Variants in TPRX1 observed in about 807,000 individuals in gnomAD.
TPRX1 encodes tetrapeptide repeat homeobox 1, also known as tetra-peptide repeat homeobox protein 1.
Under a neutral mutation model 8.1 loss-of-function variants are expected in TPRX1, and 2 were observed. The observed-to-expected ratio is 0.25, with a 90% CI of 0.10 to 0.78. The LOEUF is 0.78. TPRX1 is among the 30% of genes least tolerant of loss of function. The probability of loss-of-function intolerance (pLI) is 0.70; values close to 1 mark genes in which losing one functional copy is unlikely to be tolerated. For synonymous variants in TPRX1, 257 were observed against 254.1 expected, an observed-to-expected ratio of 1.01 and a Z score of -0.11; for missense variants, 517 against 586.9, an observed-to-expected ratio of 0.88 and a Z score of 1.23.
At chr19:47,818,552 A>G (rs886218328) in intron 1 of TPRX1, 9 of 455,982 alleles carry the variant, frequency 2.0e-5, no homozygotes, top group Middle Eastern at 3.2e-4. Context: ...ACAAGGGCAG[A>G]CAAGAAACAA....
Position 47,813,683 on chromosome 19 carries a change from C to T in TPRX1, c.151+4785G>A, listed in dbSNP as rs565244306. 1.4e-3 allele frequency among the ~76,000 whole-genome samples: 217 copies of T among 151,654 alleles called. No homozygotes were observed. The Middle Eastern group carries it at 0.017, about 12-fold the overall frequency. On this transcript the variant is annotated intron_variant, in intron 2 of 3. Transcript: ENST00000535759. The stretch of plus-strand genomic sequence containing the variant: ...TTGTGGGGTCCCAGTGTGTGAGTTG[C>T]TTTGTGTCTACCCCCTTCCAGGGTC...
intron 2 of TPRX1, among the ~76,000 whole-genome samples, chr19:47,816,438 A>T (rs906871435): frequency 6.6e-6 from 1 of 151,366 alleles, no homozygotes; most frequent in Non-Finnish European, 1.5e-5. Context: ...TTTTGTAGAG[A>T]TAGGGTCTCA....
chr19:47,816,073 A>G (rs958371433), intron 2 of TPRX1, among the ~76,000 whole-genome samples: 3 of 151,750 alleles, frequency 2.0e-5, no homozygotes, highest in African/African-American at 7.3e-5. Flanking sequence ...ATATTTATAT[A>G]TATATTTTTG....
At chr19:47,802,397 CCTGGGATCGGGA>C (rs1568613695) in exon 4 of TPRX1, 9 of 1,262,008 alleles carry the variant, frequency 7.1e-6, no homozygotes, top group African/African-American at 1.7e-5. Flanking sequence ...TGGGATCGGG[CCTGGGATCGGGA>C]CTGAGATTGG....
chr19:47,802,962 G>C, exon 4 of TPRX1: 2 of 1,538,818 alleles, frequency 1.3e-6, no homozygotes, highest in African/African-American at 2.7e-5. Flanking sequence ...AGTTTGGCGC[G>C]GCGATTCTTG....
chr19:47,802,173 T>C (rs774248600), exon 4 of TPRX1: 2 of 1,604,572 alleles, frequency 1.2e-6, no homozygotes, highest in Non-Finnish European at 1.7e-6. Flanking sequence ...CCTTGGAGTC[T>C]GCCTGGGCCT....
intron 2 of TPRX1, among the ~76,000 whole-genome samples, chr19:47,809,632 C>T (rs1489129361): frequency 6.6e-6 from 1 of 152,122 alleles, no homozygotes; most frequent in Non-Finnish European, 1.5e-5. Context: ...AGTAATTACC[C>T]AGAGATGACG....
At chr19:47,815,124 A>ATATATATG (rs1316496651) in intron 2 of TPRX1, among the ~76,000 whole-genome samples, 1 of 99,906 alleles carries the variant, frequency 1.0e-5, no homozygotes, top group Non-Finnish European at 2.1e-5. Context: ...TTATATATAT[A>ATATATATG]TATATATATA....
At chr19:47,804,805 T>TG (rs1568614776) in intron 2 of TPRX1, among the ~76,000 whole-genome samples, 2 of 151,682 alleles carry the variant, frequency 1.3e-5, no homozygotes, top group African/African-American at 4.9e-5. Flanking sequence ...CTAGCCCAGG[T>TG]GAGGTGGCAT....
At chr19:47,802,628 G>C in exon 4 of TPRX1, 1 of 1,551,704 alleles carries the variant, frequency 6.4e-7, no homozygotes, top group Non-Finnish European at 8.7e-7. Flanking sequence ...GATCGGGCTT[G>C]GGATCTGAGC....
exon 4 of TPRX1, chr19:47,802,453 C>G (rs763679644): frequency 5.8e-6 from 8 of 1,383,822 alleles, no homozygotes; most frequent in Admixed American, 2.5e-5. Flanking sequence ...GGCCTGGGAT[C>G]GGGCCTGGGT....
intron 2 of TPRX1, among the ~76,000 whole-genome samples, chr19:47,804,973 T>A (rs944593771): frequency 1.3e-5 from 2 of 152,220 alleles, no homozygotes; most frequent in Non-Finnish European, 2.9e-5. Flanking sequence ...CCACTCCTCC[T>A]GGCTCCTGGG....
intron 2 of TPRX1, among the ~76,000 whole-genome samples, chr19:47,815,907 T>C (rs1455117254): frequency 2.0e-5 from 3 of 152,130 alleles, no homozygotes; most frequent in African/African-American, 7.2e-5. Context: ...TCGGTTACTT[T>C]AAATTTCAAG....
At chr19:47,808,479 G>A (rs1478723148) in intron 2 of TPRX1, among the ~76,000 whole-genome samples, 3 of 151,326 alleles carry the variant, frequency 2.0e-5, no homozygotes, top group Admixed American at 6.6e-5. Context: ...AGACTAAAGT[G>A]CAGTGGCTCT....
chr19:47,818,555 A>G, intron 1 of TPRX1: 1 of 456,108 alleles, frequency 2.2e-6, no homozygotes, highest in South Asian at 1.5e-5. Flanking sequence ...AGGGCAGACA[A>G]GAAACAAGAT....
chr19:47,804,462 C>T (rs1242902648), intron 2 of TPRX1, among the ~76,000 whole-genome samples, 53 bp downstream of exon 1: 1 of 152,232 alleles, frequency 6.6e-6, no homozygotes, highest in Non-Finnish European at 1.5e-5. Context: ...TTGCACTCTG[C>T]AGCCTCAGCC....
chr19:47,802,451 A>T (rs1157403951), exon 4 of TPRX1: 2 of 1,467,342 alleles, frequency 1.4e-6, no homozygotes, highest in African/African-American at 1.6e-5. Flanking sequence ...TGGGCCTGGG[A>T]TCGGGCCTGG....
chr19:47,805,176 G>A (rs1424983861), intron 2 of TPRX1, among the ~76,000 whole-genome samples: 3 of 152,196 alleles, frequency 2.0e-5, no homozygotes, highest in African/African-American at 7.2e-5. Context: ...ATTTGCCTAT[G>A]GGGTGAAGTT....
At position 47,810,018 on chromosome 19, in the gene TPRX1, G is replaced by A. The variant is rs1967768029; in HGVS notation, c.152-6345C>T. 4.6e-5 allele frequency among the ~76,000 whole-genome samples: 7 copies of A among 152,066 alleles called. No homozygotes were observed. The South Asian group carries it at 1.5e-3, about 32-fold the overall frequency. ...ACCTGTAATCCCAGCACTTTGGGAG[G>A]CCGAGGTGGGCGGATCACCTGAGGT... On this transcript the variant is annotated intron_variant, in intron 2 of 3. Coordinates refer to ENST00000535759, the Ensembl canonical transcript of TPRX1.
Sources: gnomAD v4.1 joint callset for allele counts (sites outside exome capture counted in the v4.1 genomes callset) on GRCh38, gnomAD v4.1.1 for gene constraint, MANE v1.5 for transcripts, NCBI Gene and HGNC (gene_info 2026-07-23, HGNC 2026-07-21) for gene names.